Variants in ADCY10 observed in about 807,000 individuals in gnomAD.
ADCY10 encodes adenylate cyclase type 10.
Under a neutral mutation model 183.3 loss-of-function variants are expected in ADCY10, and 156 were observed. The observed-to-expected ratio is 0.85, with a 90% confidence interval of 0.75 to 0.97. ADCY10 has a LOEUF of 0.97. Among genes scored for constraint, ADCY10 ranks in the 50% least tolerant of loss-of-function variants. ADCY10 has a pLI of 0.00. For missense variants in ADCY10, 1,745 were observed against 1,934.3 expected (o/e 0.90, Z 1.84); for synonymous variants, 645 against 670.0 (o/e 0.96, Z 0.58).
chr1:167,817,259 GGAGGCT>G (rs1662587435), intron 31 of ADCY10, among the ~76,000 whole-genome samples: 1 of 152,174 alleles, frequency 6.6e-6, no homozygotes, highest in South Asian at 2.1e-4. Context: ...CAGCTACTTG[GGAGGCT>G]GAGGTACGAG....
At position 167,854,319 on chromosome 1, in the gene ADCY10, C is replaced by G. The variant is rs149033037; in HGVS notation, c.2308+34G>C. 889 of 1,613,944 alleles carry G rather than the reference C, an allele frequency of 5.5e-4. 2 individuals carry two copies. The highest frequency in any genetic ancestry group is 8.2e-4 in the Middle Eastern group (5 of 6,062). On this transcript the variant is annotated intron_variant, in intron 18 of 32. Coordinates refer to ENST00000367851, the MANE Select transcript of ADCY10 (RefSeq NM_018417.6). ...GAATGAAGACTTAAGTTAGGCAGAA[C>G]AGAGTAAGAAAGAACCATCACCGCA...
Position 167,810,753 on chromosome 1 carries a change from A to C in ADCY10, c.4643T>G (p.Leu1548Arg), listed in dbSNP as rs1662149901. Residue 1548 changes from leucine to arginine, a missense_variant, in exon 32 of 33, where the codon CTG becomes CGG. By Grantham distance (102) the Leu-to-Arg change is moderately radical. Coordinates refer to ENST00000367851, the MANE Select transcript of ADCY10 (RefSeq NM_018417.6). ...GTTCATGTTCAGCCAGCATTTCTCCAGTATATTCCCCTGTGTTTCAGAGAG... is the reference window on the plus strand; with the variant it reads ...GTTCATGTTCAGCCAGCATTTCTCCCGTATATTCCCCTGTGTTTCAGAGAG... ...LRLSETQGNI[L>R]EKCWLNMNKE... 6.2e-7 allele frequency: 1 copy of C among 1,614,088 alleles called. No individual in the cohort carries two copies. Among genetic ancestry groups the C allele is most frequent in the South Asian group, 1.1e-5 (1 of 91,092 alleles).
intron 13 of ADCY10, 79 bp from the exon 14 acceptor site, chr1:167,870,489 C>A (rs2102149823): frequency 7.7e-7 from 1 of 1,291,238 alleles, no homozygotes; most frequent in Non-Finnish European, 1.1e-6. Flanking sequence ...ACATAGAAAC[C>A]CTCCTTCTAA....
intron 14 of ADCY10, among the ~76,000 whole-genome samples, chr1:167,862,083 G>C (rs1460332092): frequency 1.3e-5 from 2 of 152,154 alleles, no homozygotes; most frequent in Non-Finnish European, 2.9e-5. Flanking sequence ...CTTTATAGCA[G>C]CGTGAAAACG....
chr1:167,901,728 G>C lies in ADCY10; in HGVS notation c.370C>G (p.Leu124Val), dbSNP rs1363291089. 1.9e-6 allele frequency: 3 copies of C among 1,614,002 alleles called. No homozygotes were observed. Among genetic ancestry groups the C allele is most frequent in the Admixed American group, 1.7e-5 (1 of 59,988 alleles). ...NIITVVIKCSLEIHGLFETQE... is the reference protein window; with the variant it reads ...NIITVVIKCSVEIHGLFETQE... Reference sequence around the variant, plus strand: ...GTCTCAAACAATCCATGGATCTCCAGGCTACATTTAATTACCACTGTGATA... The same window carrying C: ...GTCTCAAACAATCCATGGATCTCCACGCTACATTTAATTACCACTGTGATA... The change falls in exon 5 of 33, where the codon CTG becomes GTG. Residue 124 changes from leucine to valine, a missense_variant. Physicochemically the swap from Leu to Val is conservative, Grantham distance 32. Coordinates refer to ENST00000367851, the MANE Select transcript of ADCY10 (RefSeq NM_018417.6).
Position 167,823,050 on chromosome 1 carries a change from C to G in ADCY10, c.4126G>C (p.Ala1376Pro), listed in dbSNP as rs1245589773. ...SVTQEHIFSK[A>P]FFYFVCLDIL... is the part of the protein sequence containing the mutation. ...TCCAAGCAGACAAAATAGAAAAATG[C>G]CTTGCTGAAGATGTGTTCCTGTGTT... The change falls in exon 29 of 33, where the codon GCA (alanine) becomes CCA (proline). Residue 1376 changes from alanine (A) to proline (P), a missense_variant. By Grantham distance (27) the Ala-to-Pro change is conservative. Transcript: ENST00000367851. The G allele has an allele frequency of 3.7e-6, 6 of 1,613,994 alleles. No homozygotes were observed. Among genetic ancestry groups the G allele is most frequent in the Non-Finnish European group, 5.1e-6 (6 of 1,180,030 alleles).
At chr1:167,883,686 C>A (rs1369974839) in intron 8 of ADCY10, 58 bp from the exon 9 acceptor site, 6 of 1,518,944 alleles carry the variant, frequency 4.0e-6, no homozygotes, top group Non-Finnish European at 5.5e-6. Flanking sequence ...CCTCCCCCAA[C>A]ACCGCCCCCA....
chr1:167,873,984 T>G (rs1667275257), intron 13 of ADCY10, among the ~76,000 whole-genome samples: 1 of 152,108 alleles, frequency 6.6e-6, no homozygotes, highest in Non-Finnish European at 1.5e-5. Flanking sequence ...TTCCAAAAGA[T>G]AATCAAAATA....
chr1:167,888,052 T>C (rs1365197758), intron 8 of ADCY10, among the ~76,000 whole-genome samples: 1 of 152,250 alleles, frequency 6.6e-6, no homozygotes, highest in East Asian at 1.9e-4. Context: ...TTTTCCTTTA[T>C]ATTCTTGGCT....
At position 167,833,009 on chromosome 1, in the gene ADCY10, C is replaced by A. The variant is rs933759745; in HGVS notation, c.3571G>T (p.Ala1191Ser). The change falls in exon 25 of 33, where the codon GCC becomes TCC. Residue 1191 changes from alanine to serine, a missense_variant. Ala to Ser is a moderately conservative substitution (Grantham distance 99). Coordinates refer to ENST00000367851, the MANE Select transcript of ADCY10 (RefSeq NM_018417.6). ...NRHFHYVNRQ[A>S]QESPPPGKKR... ...TACCCTGGAGGTGGGCTCTCTTGGGCCTGCCGATTCACATAATGAAAGTGT... is the reference window on the plus strand; with the variant it reads ...TACCCTGGAGGTGGGCTCTCTTGGGACTGCCGATTCACATAATGAAAGTGT... 1.2e-6 allele frequency: 2 copies of A among 1,613,836 alleles called. No homozygotes were observed. The highest frequency in any genetic ancestry group is 1.7e-6 in the Non-Finnish European group (2 of 1,179,960).
chr1:167,875,577 G>C (rs111656129), intron 12 of ADCY10, among the ~76,000 whole-genome samples: 1 of 152,320 alleles, frequency 6.6e-6, no homozygotes, highest in Non-Finnish European at 1.5e-5. Flanking sequence ...CCTTTTATTG[G>C]AGCACATGCT....
intron 8 of ADCY10, among the ~76,000 whole-genome samples, chr1:167,887,048 A>C (rs1252149166): frequency 6.6e-6 from 1 of 152,182 alleles, no homozygotes; most frequent in Non-Finnish European, 1.5e-5. Context: ...AGGAAACAAC[A>C]GGTGCTGGAG....
At position 167,901,236 on chromosome 1, in the gene ADCY10, T is replaced by A. The variant is rs193145521; in HGVS notation, c.436+426A>T. ...GCAGGCTGACCTGTTAAGCTTTTCC[T>A]ACACCTCATTCTTATGAGGTAGGGG... is the stretch of plus-strand genomic sequence containing the variant. On this transcript the variant is annotated intron_variant, in intron 5 of 32. Coordinates refer to ENST00000367851, the MANE Select transcript of ADCY10 (RefSeq NM_018417.6). 1.6e-3 allele frequency among the ~76,000 whole-genome samples: 242 copies of A among 152,324 alleles called. 1 individual carries two copies. The highest frequency in any genetic ancestry group is 2.1e-4 in the Non-Finnish European group (14 of 68,012).
intron 30 of ADCY10, chr1:167,820,365 G>C: frequency 1.5e-6 from 1 of 652,120 alleles, no homozygotes; most frequent in Non-Finnish European, 2.5e-6. Flanking sequence ...GGGCCAGCCC[G>C]CGCCTCGCCT....
chr1:167,873,036 C>A (rs1379521140), intron 13 of ADCY10, among the ~76,000 whole-genome samples: 1 of 151,832 alleles, frequency 6.6e-6, no homozygotes, highest in Non-Finnish European at 1.5e-5. Flanking sequence ...CGCCACTGCA[C>A]TCCAGCCTGG....
intron 15 of ADCY10, among the ~76,000 whole-genome samples, chr1:167,860,186 T>C (rs543607699): frequency 6.6e-6 from 1 of 152,262 alleles, no homozygotes; most frequent in South Asian, 2.1e-4. Context: ...CTCACCATAA[T>C]GTAGATAGAA....
intron 8 of ADCY10, among the ~76,000 whole-genome samples, chr1:167,891,240 G>A (rs1292739346): frequency 4.6e-5 from 7 of 151,960 alleles, no homozygotes; most frequent in African/African-American, 7.2e-5. Flanking sequence ...GATTACAGGC[G>A]TGAGCCATCA....
At position 167,905,000 on chromosome 1, in the gene ADCY10, A is replaced by G. The variant is rs1344086645; in HGVS notation, c.141T>C (p.Asp47=). ...CATCCCTTTTGCACTTGCCTGAAAT[A>G]TCAACAAACATCAGGACTCCGTCAA... ...DYFDGVLMFV[D]ISGFTAMTEK... The change falls in exon 2 of 33, where the codon GAT becomes GAC. Residue 47 remains aspartate (D), a synonymous_variant. Transcript: ENST00000367851. 1 of 1,614,224 alleles carries G rather than the reference A, an allele frequency of 6.2e-7. No individual in the cohort carries two copies. The highest frequency in any genetic ancestry group is 8.5e-7 in the Non-Finnish European group (1 of 1,180,046).
intron 6 of ADCY10, among the ~76,000 whole-genome samples, chr1:167,898,470 G>C (rs1178159645): frequency 2.0e-5 from 3 of 152,058 alleles, no homozygotes; most frequent in Non-Finnish European, 4.4e-5. Flanking sequence ...CGTGGTAGCG[G>C]GCACCTGTAA....
Sources: gnomAD v4.1 joint callset for allele counts (sites outside exome capture counted in the v4.1 genomes callset) on GRCh38, gnomAD v4.1.1 for gene constraint, MANE v1.5 for transcripts, NCBI Gene and HGNC (gene_info 2026-07-23, HGNC 2026-07-21) for gene names.